ACOXL: variants seen among roughly 807,000 people sequenced by gnomAD.
The protein encoded by ACOXL is acyl-coenzyme A oxidase-like protein.
In ACOXL, 70 loss-of-function variants were observed where a neutral mutation model predicts 71.9. The ratio of observed to expected loss-of-function variants is 0.97; its 90% CI spans 0.80 to 1.19. The LOEUF (loss-of-function observed/expected upper bound fraction) is 1.19. Ranked by LOEUF, ACOXL falls within the 50% of genes most tolerant of loss-of-function variation. The pLI, the probability that ACOXL is intolerant of heterozygous loss-of-function variation, is 0.00. For missense variants in ACOXL, 703 were observed against 736.3 expected (o/e 0.95, Z 0.52); for synonymous variants, 253 against 281.6 (o/e 0.90, Z 1.02).
intron 10 of ACOXL, among the ~76,000 whole-genome samples, chr2:110,867,502 T>G (rs974723534): frequency 7.9e-5 from 12 of 152,234 alleles, no homozygotes; most frequent in African/African-American, 2.9e-4. Context: ...CACTGGCATC[T>G]GTAGACTGCT....
Position 110,798,303 on chromosome 2 carries a change from C to G in ACOXL, c.346-307C>G, listed in dbSNP as rs927507494. Among the ~76,000 whole-genome samples, 4 of 149,922 alleles carry G rather than the reference C, an allele frequency of 2.7e-5. 1 individual carries two copies. The highest frequency in any genetic ancestry group is 2.5e-5 in the African/African-American group (1 of 40,584). On this transcript the variant is annotated intron_variant, in intron 5 of 17. Transcript: ENST00000439055. ...ATGGAGTCTCGCTCTGTCGCCCAGG[C>G]TGGAGTGCAGTGGCGCAATCACGGC...
chr2:110,970,274 A>G (rs1488359495), intron 12 of ACOXL, among the ~76,000 whole-genome samples: 1 of 152,364 alleles, frequency 6.6e-6, no homozygotes, highest in East Asian at 1.9e-4. Context: ...GGTAATGCAC[A>G]AAATGAATTA....
In ACOXL at chr2:110,805,358, G is replaced by C; in HGVS notation, c.716G>C (p.Arg239Thr). The change falls in exon 9 of 18, where the codon AGA (arginine) becomes ACA (threonine). Residue 239 changes from arginine (R) to threonine (T), a missense_variant. Coordinates refer to ENST00000439055, the MANE Select transcript of ACOXL (RefSeq NM_001142807.4). ...NAMLAALTPS[R>T]LAVAFQAMGA... The stretch of plus-strand genomic sequence containing the variant: ...ATGCTGGCAGCACTGACCCCTTCGA[G>C]ATTAGCTGTGGCTTTCCAAGCTATG... The C allele has an allele frequency of 6.2e-7, 1 of 1,614,244 alleles. No individual in the cohort carries two copies. Among genetic ancestry groups the C allele is most frequent in the Non-Finnish European group, 8.5e-7 (1 of 1,180,040 alleles).
chr2:110,747,465 T>C (rs1287406913), intron 1 of ACOXL, among the ~76,000 whole-genome samples: 3 of 152,226 alleles, frequency 2.0e-5, no homozygotes, highest in African/African-American at 7.2e-5. Flanking sequence ...CAGCTGGGGC[T>C]GCACACCCAC....
chr2:110,753,743 A>G (rs983716326), intron 1 of ACOXL, among the ~76,000 whole-genome samples: 2 of 152,204 alleles, frequency 1.3e-5, no homozygotes, highest in Admixed American at 1.3e-4. Context: ...CTAGGAATGT[A>G]ATTGTCAGGT....
intron 9 of ACOXL, among the ~76,000 whole-genome samples, chr2:110,836,202 G>T (rs1690441674): frequency 6.6e-6 from 1 of 152,222 alleles, no homozygotes; most frequent in African/African-American, 2.4e-5. Flanking sequence ...CCCTGGAGGG[G>T]GCTGTTGGGG....
At chr2:110,973,104 A>G (rs1380360945) in intron 12 of ACOXL, among the ~76,000 whole-genome samples, 2 of 152,236 alleles carry the variant, frequency 1.3e-5, no homozygotes, top group African/African-American at 2.4e-5. Context: ...GTGCCATAAG[A>G]TAAAGCATAT....
At chr2:110,854,794 CAAG>C (rs950315865) in intron 10 of ACOXL, among the ~76,000 whole-genome samples, 4 of 152,292 alleles carry the variant, frequency 2.6e-5, no homozygotes, top group African/African-American at 4.8e-5. Flanking sequence ...CCCTTGAAAA[CAAG>C]AAGGAGACAG....
chr2:111,079,754 A>C (rs575217759), intron 16 of ACOXL, among the ~76,000 whole-genome samples: 45 of 151,982 alleles, frequency 3.0e-4, no homozygotes, highest in Admixed American at 8.5e-4. Context: ...TCAGTGAAAG[A>C]GATGGGGGAA....
rs148823931 is a variant in ACOXL, at chr2:111,104,490, A to C, written c.1542+11524A>C. Among the ~76,000 whole-genome samples the C allele has an allele frequency of 6.7e-3, 1,021 of 152,236 alleles. 16 individuals carry two copies. The highest frequency in any genetic ancestry group is 0.023 in the African/African-American group (972 of 41,546). ...AGTGATCCAGTCTCTTCACATCCTC[A>C]CTAGCATTGGGTGTTGTCATTACTT... On this transcript the variant is annotated intron_variant, in intron 17 of 17. Coordinates refer to ENST00000439055, the MANE Select transcript of ACOXL (RefSeq NM_001142807.4).
chr2:110,818,992 T>TA lies in ACOXL; in HGVS notation c.753+13599dup, dbSNP rs2105494294. On this transcript the variant is annotated intron_variant, in intron 9 of 17. Transcript: ENST00000439055. ...GGAGAGCATAGTTCTATTCAGCACCTAAGGTACTGTCCGTTTCTGGGCTTC... is the reference window on the plus strand; with the variant it reads ...GGAGAGCATAGTTCTATTCAGCACCTAAAGGTACTGTCCGTTTCTGGGCTTC... Among the ~76,000 whole-genome samples, 2 of 140,224 alleles carry TA rather than the reference T, an allele frequency of 1.4e-5. 1 individual carries two copies. Among genetic ancestry groups the TA allele is most frequent in the East Asian group, 4.2e-4 (2 of 4,738 alleles). The allele number at this position is 140,224 out of a possible 152,430, so 92.0% of individuals were successfully genotyped here.
intron 16 of ACOXL, among the ~76,000 whole-genome samples, chr2:111,049,681 A>G (rs993746634): frequency 6.6e-6 from 1 of 152,086 alleles, no homozygotes; most frequent in African/African-American, 2.4e-5. Context: ...GCTGCTTCCT[A>G]CTTTTGGCAC....
intron 12 of ACOXL, among the ~76,000 whole-genome samples, chr2:110,957,006 C>A (rs1385510409): frequency 6.6e-6 from 1 of 152,234 alleles, no homozygotes; most frequent in Middle Eastern, 3.4e-3. Context: ...CTGGCGCTTC[C>A]CTCTCTGAGG....
intron 5 of ACOXL, among the ~76,000 whole-genome samples, chr2:110,795,160 A>G (rs564736068): frequency 1.6e-4 from 24 of 152,228 alleles, no homozygotes; most frequent in Middle Eastern, 3.4e-3. Context: ...TGCTTCGTCT[A>G]TTCTTTATTT....
intron 1 of ACOXL, among the ~76,000 whole-genome samples, chr2:110,768,159 G>T (rs1320651434): frequency 6.6e-6 from 1 of 152,022 alleles, no homozygotes; most frequent in African/African-American, 2.4e-5. Flanking sequence ...AGAAGAATAA[G>T]ATGGTCTTGT....
At chr2:111,057,686 G>C (rs932687868) in intron 16 of ACOXL, among the ~76,000 whole-genome samples, 1 of 152,200 alleles carries the variant, frequency 6.6e-6, no homozygotes, top group Non-Finnish European at 1.5e-5. Context: ...CCTCCACAAA[G>C]TTCTGCTATA....
chr2:111,095,391 CTTT>C (rs780172456), intron 17 of ACOXL, among the ~76,000 whole-genome samples: 1 of 116,586 alleles, frequency 8.6e-6, no homozygotes, highest in Non-Finnish European at 1.7e-5. Context: ...TTTTCTTTTT[CTTT>C]TTTTTTTTTT....
At chr2:110,840,078 C>T (rs1690967492) in intron 9 of ACOXL, among the ~76,000 whole-genome samples, 1 of 152,122 alleles carries the variant, frequency 6.6e-6, no homozygotes, top group South Asian at 2.1e-4. Flanking sequence ...CAAGCTCCAC[C>T]TCCCCAGGTT....
intron 10 of ACOXL, among the ~76,000 whole-genome samples, chr2:110,862,755 C>T (rs922124072): frequency 1.3e-5 from 2 of 152,244 alleles, no homozygotes; most frequent in African/African-American, 4.8e-5. Flanking sequence ...TGAGGACCCT[C>T]CTCCTGGCCG....
Sources: allele counts gnomAD v4.1 joint callset (sites outside exome capture counted in the v4.1 genomes callset), GRCh38; gene constraint gnomAD v4.1.1; transcripts MANE v1.5; gene names NCBI Gene and HGNC (gene_info 2026-07-23, HGNC 2026-07-21).